Variants in AUTS2 observed in about 807,000 individuals in gnomAD.
AUTS2 encodes the protein activator of transcription and developmental regulator AUTS2, also known as autism susceptibility gene 2 protein.
A neutral mutation model predicts 112.4 loss-of-function variants in AUTS2; 17 were observed. The observed-to-expected ratio is 0.15, with a 90% confidence interval of 0.10 to 0.23. The LOEUF is 0.23. Ranked by LOEUF, AUTS2 falls within the 10% of genes least tolerant of loss-of-function variation. AUTS2 has a pLI of 1.00. For missense variants in AUTS2, 1,510 were observed against 1,701.6 expected, an observed-to-expected ratio of 0.89 and a Z score of 1.98; for synonymous variants, 751 against 702.7, an observed-to-expected ratio of 1.07 and a Z score of -1.09.
intron 5 of AUTS2, among the ~76,000 whole-genome samples, chr7:70,518,351 G>T (rs1361086301): frequency 6.6e-6 from 1 of 152,110 alleles, no homozygotes; most frequent in Admixed American, 6.6e-5. Context: ...AAATCATGTG[G>T]TCACAGTGGG....
intron 4 of AUTS2, among the ~76,000 whole-genome samples, chr7:70,371,682 T>C (rs1792845123): frequency 6.6e-6 from 1 of 152,238 alleles, no homozygotes. Context: ...ACAGTGATGC[T>C]TTTCAAGGTA....
At chr7:70,701,271 T>A (rs1448482136) in intron 6 of AUTS2, among the ~76,000 whole-genome samples, 1 of 152,200 alleles carries the variant, frequency 6.6e-6, no homozygotes. Context: ...GCAGCCCTGA[T>A]GTTGGGCTGC....
chr7:70,656,295 T>C (rs1375334143), intron 5 of AUTS2, among the ~76,000 whole-genome samples: 8 of 152,150 alleles, frequency 5.3e-5, no homozygotes, highest in African/African-American at 1.9e-4. Context: ...CTGGAACAGA[T>C]ATTATTTTGA....
At chr7:70,111,168 C>T (rs751747282) in intron 2 of AUTS2, among the ~76,000 whole-genome samples, 3 of 152,038 alleles carry the variant, frequency 2.0e-5, no homozygotes, top group African/African-American at 7.2e-5. Context: ...CATGAGCCAC[C>T]GCGCCCAGCC....
intron 6 of AUTS2, among the ~76,000 whole-genome samples, chr7:70,710,540 A>T (rs1809995448): frequency 6.6e-6 from 1 of 152,244 alleles, no homozygotes; most frequent in Non-Finnish European, 1.5e-5. Flanking sequence ...TTGCAGCTTC[A>T]TTCACTCAGT....
intron 5 of AUTS2, among the ~76,000 whole-genome samples, chr7:70,548,690 G>A (rs1212594532): frequency 6.6e-6 from 1 of 152,008 alleles, no homozygotes; most frequent in East Asian, 1.9e-4. Context: ...TGCCACTTTT[G>A]TCAAAAATCA....
chr7:70,602,879 C>A (rs956403), intron 5 of AUTS2, among the ~76,000 whole-genome samples: 43,474 of 152,058 alleles, frequency 0.29, 6,491 homozygotes, highest in Middle Eastern at 0.35. Flanking sequence ...AAGAATATAT[C>A]CTGAAAAGTC....
intron 1 of AUTS2, among the ~76,000 whole-genome samples, chr7:69,675,107 G>GA (rs911290226): frequency 6.6e-6 from 1 of 152,174 alleles, no homozygotes; most frequent in Non-Finnish European, 1.5e-5. Context: ...GACAGAGGGA[G>GA]AAAGTCCCTG....
intron 2 of AUTS2, among the ~76,000 whole-genome samples, chr7:70,068,624 G>T (rs1802610347): frequency 6.6e-6 from 1 of 152,184 alleles, no homozygotes; most frequent in Non-Finnish European, 1.5e-5. Flanking sequence ...GCAGTGACTT[G>T]TAGGGACATT....
At chr7:69,780,710 G>C (rs576270026) in intron 1 of AUTS2, among the ~76,000 whole-genome samples, 3 of 152,336 alleles carry the variant, frequency 2.0e-5, no homozygotes, top group South Asian at 2.1e-4. Context: ...AAGCACAGCA[G>C]TAGAATCTAG....
intron 1 of AUTS2, among the ~76,000 whole-genome samples, chr7:69,702,805 T>C (rs1409933842): frequency 6.6e-6 from 1 of 152,210 alleles, no homozygotes; most frequent in African/African-American, 2.4e-5. Flanking sequence ...GTTCAATGTT[T>C]GGAAGCATTG....
intron 4 of AUTS2, among the ~76,000 whole-genome samples, chr7:70,164,972 T>G (rs1808305354): frequency 6.6e-6 from 1 of 152,008 alleles, no homozygotes; most frequent in Non-Finnish European, 1.5e-5. Flanking sequence ...ATGGAAAAGG[T>G]GGACAATATA....
intron 2 of AUTS2, among the ~76,000 whole-genome samples, chr7:70,054,320 C>T (rs906096449): frequency 6.6e-6 from 1 of 152,192 alleles, no homozygotes; most frequent in Non-Finnish European, 1.5e-5. Flanking sequence ...TCTATCTTCT[C>T]TTTCTCACTC....
At chr7:69,722,159 A>AT (rs1798988107) in intron 1 of AUTS2, among the ~76,000 whole-genome samples, 1 of 152,024 alleles carries the variant, frequency 6.6e-6, no homozygotes, top group African/African-American at 2.4e-5. Context: ...GGCAAAAAAA[A>AT]AAAAAATAAA....
intron 1 of AUTS2, among the ~76,000 whole-genome samples, chr7:69,846,433 T>G (rs1792204052): frequency 6.6e-6 from 1 of 152,202 alleles, no homozygotes; most frequent in Non-Finnish European, 1.5e-5. Context: ...CACTCCTTTC[T>G]TTAATATATG....
At chr7:69,841,173 G>C (rs1335975944) in intron 1 of AUTS2, among the ~76,000 whole-genome samples, 1 of 152,166 alleles carries the variant, frequency 6.6e-6, no homozygotes, top group Non-Finnish European at 1.5e-5. Context: ...GTATTAGGCT[G>C]TTCTTGCATG....
intron 2 of AUTS2, among the ~76,000 whole-genome samples, chr7:70,099,842 A>C (rs1804392684): frequency 6.6e-6 from 1 of 152,222 alleles, no homozygotes; most frequent in African/African-American, 2.4e-5. Flanking sequence ...AATAGTAGAA[A>C]GACATAATTG....
rs60804022 is a variant in AUTS2, at chr7:69,888,540, GATATATAT to G, written c.310-10721_310-10714del. The stretch of plus-strand genomic sequence containing the variant: ...CTTAGGCCCCACCTCCAACATTGGG[GATATATAT>G]ATATATATATATATATATATATATG... On this transcript the variant is annotated intron_variant, in intron 1 of 18. Coordinates refer to ENST00000342771, the MANE Select transcript of AUTS2 (RefSeq NM_015570.4). 5.1e-3 allele frequency among the ~76,000 whole-genome samples: 507 copies of G among 99,224 alleles called. 1 individual carries two copies. Among genetic ancestry groups the G allele is most frequent in the Non-Finnish European group, 6.7e-3 (347 of 52,038 alleles). 65.1% of individuals were successfully genotyped at this position (99,224 alleles called of 152,430 possible). A position where few individuals can be genotyped will look rare whatever the true frequency, so the allele number is the denominator to read the frequency against.
intron 1 of AUTS2, among the ~76,000 whole-genome samples, chr7:69,764,302 G>A (rs549058981): frequency 5.3e-4 from 80 of 152,052 alleles, no homozygotes; most frequent in Non-Finnish European, 8.2e-4. Context: ...TAGCTGGGAT[G>A]AACACTGGAG....
Sources: gnomAD v4.1 joint callset for allele counts (sites outside exome capture counted in the v4.1 genomes callset) on GRCh38, gnomAD v4.1.1 for gene constraint, MANE v1.5 for transcripts, NCBI Gene and HGNC (gene_info 2026-07-23, HGNC 2026-07-21) for gene names.